MTUS1: variants seen among roughly 807,000 people sequenced by gnomAD.
MTUS1 encodes the protein microtubule associated scaffold protein 1.
Under a neutral mutation model 120.8 loss-of-function variants are expected in MTUS1, and 109 were observed. The ratio of observed to expected loss-of-function variants is 0.90; its 90% CI spans 0.77 to 1.06. MTUS1 has a LOEUF of 1.06. Among genes scored for constraint, MTUS1 ranks in the 50% least tolerant of loss-of-function variants. MTUS1 has a pLI of 0.00. For missense variants in MTUS1, 2,210 were observed against 1,486.3 expected, an observed-to-expected ratio of 1.49 and a Z score of -8.01; for synonymous variants, 737 against 550.5, an observed-to-expected ratio of 1.34 and a Z score of -4.74.
intron 13 of MTUS1, among the ~76,000 whole-genome samples, chr8:17,647,568 A>G (rs994844336): frequency 1.3e-5 from 2 of 152,180 alleles, no homozygotes; most frequent in Non-Finnish European, 2.9e-5. Flanking sequence ...GTAAGTTTTC[A>G]GCATTTGCGT....
At chr8:17,776,179 A>G (rs1374108782) in intron 1 of MTUS1, among the ~76,000 whole-genome samples, 10 of 152,202 alleles carry the variant, frequency 6.6e-5, no homozygotes, top group Non-Finnish European at 1.2e-4. Flanking sequence ...ACTATAACAT[A>G]ACTAGTATAA....
At chr8:17,707,159 T>C (rs1176980365) in intron 6 of MTUS1, among the ~76,000 whole-genome samples, 2 of 152,150 alleles carry the variant, frequency 1.3e-5, no homozygotes, top group South Asian at 2.1e-4. Context: ...TCCAGCAGAA[T>C]ATGAAAAAAG....
At chr8:17,692,393 TAAG>T (rs201006109) in intron 6 of MTUS1, among the ~76,000 whole-genome samples, 2,650 of 152,196 alleles carry the variant, frequency 0.017, 43 homozygotes, top group Middle Eastern at 0.041. Flanking sequence ...AGGACACGGC[TAAG>T]AAGACAGCAG....
In MTUS1 at chr8:17,645,932, G is replaced by T. The variant is rs375542446; in HGVS notation, c.3807C>A (p.Pro1269=). 2 of 1,610,972 alleles carry T rather than the reference G, an allele frequency of 1.2e-6. No individual in the cohort carries two copies. The highest frequency in any genetic ancestry group is 1.3e-5 in the African/African-American group (1 of 74,856). Residue 1269 remains proline (P), a synonymous_variant, in exon 15 of 15, where the codon CCC becomes CCA. Coordinates refer to ENST00000693296, the MANE Select transcript of MTUS1 (RefSeq NM_001363059.2). ...SGSFPSPSIS[P]R The stretch of plus-strand genomic sequence containing the variant: ...TGTGGACTTTGGGGAGGTGTCATCT[G>T]GGTGAAATGCTGGGGCTAGGGAAGG...
At position 17,794,846 on chromosome 8, in the gene MTUS1, G is replaced by A. The variant is rs569206091; in HGVS notation, c.-155+6215C>T. Among the ~76,000 whole-genome samples, 4 of 152,296 alleles carry A rather than the reference G, an allele frequency of 2.6e-5. No homozygotes were observed. The South Asian group carries it at 8.3e-4, about 32-fold the overall frequency. ...AGGTCTATGTTTCAATGTCATCTCA[G>A]AAACTGCTCATATCTATGCTGGCTT... is the stretch of plus-strand genomic sequence containing the variant. On this transcript the variant is annotated intron_variant, in intron 1 of 14. Coordinates refer to ENST00000693296, the MANE Select transcript of MTUS1 (RefSeq NM_001363059.2).
In MTUS1 at chr8:17,792,491, T is replaced by C. The variant is rs550349016; in HGVS notation, c.-155+8570A>G. Among the ~76,000 whole-genome samples, 4 of 152,360 alleles carry C rather than the reference T, an allele frequency of 2.6e-5. No homozygotes were observed. The South Asian group carries it at 6.2e-4, about 24-fold the overall frequency. Reference sequence around the variant, plus strand: ...AGGATTTTTCTTACCTCCCTTTTCATTAACTGACCCTACTCTTTTAAATTC... The same window carrying C: ...AGGATTTTTCTTACCTCCCTTTTCACTAACTGACCCTACTCTTTTAAATTC... On this transcript the variant is annotated intron_variant, in intron 1 of 14. Transcript: ENST00000693296.
intron 3 of MTUS1, among the ~76,000 whole-genome samples, chr8:17,729,706 G>A (rs2046432888): frequency 1.3e-5 from 2 of 151,966 alleles, no homozygotes; most frequent in South Asian, 4.1e-4. Flanking sequence ...TTTAAACGCA[G>A]GAATTGAATT....
At chr8:17,800,635 TG>T (rs1413622887) in intron 1 of MTUS1, 6 of 152,184 alleles carry the variant, frequency 3.9e-5, no homozygotes, top group Non-Finnish European at 5.9e-5. Context: ...CGTGAAAAAG[TG>T]CAAACAAGCT....
At chr8:17,792,857 G>T (rs944998434) in intron 1 of MTUS1, among the ~76,000 whole-genome samples, 1 of 152,126 alleles carries the variant, frequency 6.6e-6, no homozygotes, top group Admixed American at 6.6e-5. Context: ...GCAAGACTCT[G>T]TCTCAAAAAA....
intron 13 of MTUS1, among the ~76,000 whole-genome samples, chr8:17,647,992 A>T (rs2130019205): frequency 6.6e-6 from 1 of 152,288 alleles, no homozygotes; most frequent in East Asian, 1.9e-4. Context: ...GTTCAGGTTA[A>T]ATCACTTTCC....
chr8:17,663,691 G>A (rs1037144913), intron 8 of MTUS1, among the ~76,000 whole-genome samples: 2 of 152,038 alleles, frequency 1.3e-5, no homozygotes, highest in African/African-American at 2.4e-5. Context: ...GGCCTCCCAG[G>A]TTTAAGCGAT....
At chr8:17,699,032 C>T (rs1299762915) in intron 6 of MTUS1, among the ~76,000 whole-genome samples, 1 of 152,104 alleles carries the variant, frequency 6.6e-6, no homozygotes, top group African/African-American at 2.4e-5. Context: ...CCTCTACCTC[C>T]CAAAACCTTG....
chr8:17,721,156 C>T (rs984129985), intron 4 of MTUS1, among the ~76,000 whole-genome samples: 6 of 152,098 alleles, frequency 3.9e-5, no homozygotes, highest in African/African-American at 1.4e-4. Flanking sequence ...TAAAGGGATT[C>T]AAATACTTAA....
chr8:17,745,324 T>A (rs1008790841), intron 2 of MTUS1, among the ~76,000 whole-genome samples: 1 of 152,152 alleles, frequency 6.6e-6, no homozygotes, highest in African/African-American at 2.4e-5. Context: ...CCTATGTACA[T>A]CCTCCCATAT....
intron 4 of MTUS1, among the ~76,000 whole-genome samples, chr8:17,720,500 A>G (rs758269524): frequency 6.6e-6 from 1 of 152,172 alleles, no homozygotes; most frequent in Non-Finnish European, 1.5e-5. Flanking sequence ...TGTTCCTTCC[A>G]TTTCCAGGAG....
intron 4 of MTUS1, among the ~76,000 whole-genome samples, chr8:17,720,163 G>C (rs186628217): frequency 2.0e-5 from 3 of 152,208 alleles, no homozygotes; most frequent in African/African-American, 4.8e-5. Context: ...TGGCCAACAT[G>C]GTGAAACCCC....
intron 1 of MTUS1, among the ~76,000 whole-genome samples, chr8:17,788,172 G>C (rs999293861): frequency 1.3e-5 from 2 of 152,094 alleles, no homozygotes; most frequent in African/African-American, 2.4e-5. Flanking sequence ...ATCTTGATTG[G>C]TGTGATCGTT....
intron 6 of MTUS1, among the ~76,000 whole-genome samples, chr8:17,703,140 G>A (rs898236850): frequency 7.2e-5 from 11 of 152,144 alleles, no homozygotes; most frequent in Admixed American, 1.3e-4. Flanking sequence ...CAACCATAAG[G>A]TCTGACTGCC....
intron 8 of MTUS1, among the ~76,000 whole-genome samples, chr8:17,660,611 C>CT (rs1294639215): frequency 6.6e-6 from 1 of 152,168 alleles, no homozygotes; most frequent in Non-Finnish European, 1.5e-5. Flanking sequence ...CTATGGTACT[C>CT]TTTTCCATAG....
Sources: gnomAD v4.1 joint callset for allele counts (sites outside exome capture counted in the v4.1 genomes callset) on GRCh38, gnomAD v4.1.1 for gene constraint, MANE v1.5 for transcripts, NCBI Gene and HGNC (gene_info 2026-07-23, HGNC 2026-07-21) for gene names.